XIRP2: variants seen among roughly 807,000 people sequenced by gnomAD.
XIRP2 encodes the protein xin actin binding repeat containing 2.
XIRP2 carries 236 observed loss-of-function variants against 277.0 expected under a neutral mutation model. That is an observed-to-expected ratio of 0.85 (90% CI 0.77 to 0.95). XIRP2 has a LOEUF of 0.95. Ranked by LOEUF, XIRP2 falls within the 40% of genes least tolerant of loss-of-function variation. XIRP2 has a pLI of 0.00. For missense variants in XIRP2, 4,640 were observed against 4,157.5 expected (o/e 1.12, Z -3.19); for synonymous variants, 1,490 against 1,416.5 (o/e 1.05, Z -1.17).
chr2:167,098,501 T>C (rs1690385993), intron 2 of XIRP2, among the ~76,000 whole-genome samples: 1 of 152,180 alleles, frequency 6.6e-6, no homozygotes, highest in Non-Finnish European at 1.5e-5. Flanking sequence ...CATGCTCCTT[T>C]AGAGGAGTTT....
chr2:166,979,812 T>C (rs1317641031), intron 2 of XIRP2, among the ~76,000 whole-genome samples: 2 of 152,268 alleles, frequency 1.3e-5, no homozygotes, highest in South Asian at 2.1e-4. Flanking sequence ...TTCACAACTA[T>C]GTTTTCAAAG....
At position 167,150,062 on chromosome 2, in the gene XIRP2, T is replaced by C. The variant is rs142144500; in HGVS notation, c.562+14000T>C. On this transcript the variant is annotated intron_variant, in intron 3 of 10. Coordinates refer to ENST00000409195, the MANE Select transcript of XIRP2 (RefSeq NM_152381.6). ...AGCTCAATCTCAGCATTGTACAATA[T>C]ACTCATGTAACAAAACTGCACCGGT... Among the ~76,000 whole-genome samples the C allele has an allele frequency of 6.6e-4, 101 of 152,094 alleles. 2 individuals carry two copies. The East Asian group carries it at 0.017, about 26-fold the overall frequency.
chr2:167,130,709 C>T (rs996038384), intron 2 of XIRP2, among the ~76,000 whole-genome samples: 2 of 151,988 alleles, frequency 1.3e-5, no homozygotes, highest in South Asian at 2.1e-4. Context: ...TCATTTCAAT[C>T]GCTCTCTTAG....
intron 2 of XIRP2, among the ~76,000 whole-genome samples, chr2:166,911,866 T>TG (rs546227043): frequency 9.8e-5 from 15 of 152,342 alleles, no homozygotes; most frequent in African/African-American, 3.6e-4. Flanking sequence ...CCTTCACTTA[T>TG]GAAGCTTAGT....
At chr2:167,011,823 T>G (rs905241179) in intron 2 of XIRP2, among the ~76,000 whole-genome samples, 1 of 152,074 alleles carries the variant, frequency 6.6e-6, no homozygotes, top group Non-Finnish European at 1.5e-5. Flanking sequence ...GTCGAGGAAT[T>G]TATCCATTTC....
intron 3 of XIRP2, among the ~76,000 whole-genome samples, chr2:167,152,708 A>G (rs1692051744): frequency 6.6e-6 from 1 of 152,228 alleles, no homozygotes; most frequent in Non-Finnish European, 1.5e-5. Flanking sequence ...AAACAGTATA[A>G]CAAAAACCTC....
chr2:166,937,805 A>C (rs569381354), intron 2 of XIRP2, among the ~76,000 whole-genome samples: 11 of 152,210 alleles, frequency 7.2e-5, no homozygotes, highest in Admixed American at 3.3e-4. Flanking sequence ...GATTCAACTT[A>C]TTCCTGGTTT....
At chr2:167,033,755 A>G (rs1477770403) in intron 2 of XIRP2, among the ~76,000 whole-genome samples, 1 of 152,194 alleles carries the variant, frequency 6.6e-6, no homozygotes. Context: ...AGGAAAAAAT[A>G]TCTTATAATA....
rs546204005 is a variant in XIRP2 at position 166,960,056 on chromosome 2, G to A, written c.408+56166G>A. On this transcript the variant is annotated intron_variant, in intron 2 of 10. Coordinates refer to ENST00000409195, the MANE Select transcript of XIRP2 (RefSeq NM_152381.6). ...GGCTGTAATTTAAGAATATTTCACC[G>A]TAGCTAAACTTACTATTTTAAAAAT... Among the ~76,000 whole-genome samples, 5 of 151,770 alleles carry A rather than the reference G, an allele frequency of 3.3e-5. No homozygotes were observed. In the South Asian group the frequency reaches 8.3e-4, roughly 25 times the overall value.
At chr2:167,156,589 C>A (rs942444034) in intron 3 of XIRP2, among the ~76,000 whole-genome samples, 2 of 152,050 alleles carry the variant, frequency 1.3e-5, no homozygotes, top group South Asian at 2.1e-4. Flanking sequence ...ACACTCAGTG[C>A]CTAGTAGATA....
intron 2 of XIRP2, among the ~76,000 whole-genome samples, chr2:167,107,236 C>T (rs1690640332): frequency 6.6e-6 from 1 of 151,676 alleles, no homozygotes. Context: ...GAAAGTTATT[C>T]CAATATTGGA....
chr2:167,009,912 C>G (rs570708133), intron 2 of XIRP2, among the ~76,000 whole-genome samples: 62 of 151,546 alleles, frequency 4.1e-4, no homozygotes, highest in East Asian at 7.8e-4. Context: ...TGATGGGGTT[C>G]TTTGTTTTTT....
intron 3 of XIRP2, among the ~76,000 whole-genome samples, chr2:167,173,439 T>C (rs543810178): frequency 2.0e-5 from 3 of 152,334 alleles, no homozygotes; most frequent in South Asian, 2.1e-4. Flanking sequence ...TTTTCATCCA[T>C]GTTGTTGTAA....
intron 2 of XIRP2, among the ~76,000 whole-genome samples, chr2:167,000,325 T>G (rs1687330247): frequency 6.6e-6 from 1 of 152,168 alleles, no homozygotes; most frequent in Admixed American, 6.5e-5. Flanking sequence ...AAGATACTTT[T>G]AATTTCTTTT....
intron 2 of XIRP2, among the ~76,000 whole-genome samples, chr2:166,929,110 T>C (rs1003940358): frequency 1.3e-5 from 2 of 151,626 alleles, no homozygotes; most frequent in African/African-American, 2.4e-5. Flanking sequence ...AAATACAAAT[T>C]TGGGGCTTCC....
intron 2 of XIRP2, among the ~76,000 whole-genome samples, chr2:167,046,948 A>G (rs1043753423): frequency 6.6e-6 from 1 of 151,994 alleles, no homozygotes; most frequent in Non-Finnish European, 1.5e-5. Flanking sequence ...GAAAAAAAAA[A>G]GAAATTTCAT....
intron 2 of XIRP2, among the ~76,000 whole-genome samples, chr2:166,979,062 A>G (rs1249120642): frequency 6.6e-6 from 1 of 152,226 alleles, no homozygotes; most frequent in African/African-American, 2.4e-5. Context: ...TGTTGATATC[A>G]TAGGAATTTC....
At chr2:167,202,309 T>G (rs1375782117) in intron 3 of XIRP2, among the ~76,000 whole-genome samples, 1 of 152,212 alleles carries the variant, frequency 6.6e-6, no homozygotes, top group Non-Finnish European at 1.5e-5. Context: ...TTTTCGTATA[T>G]GCCCAAACTA....
At chr2:167,086,803 T>C (rs998088183) in intron 2 of XIRP2, among the ~76,000 whole-genome samples, 54 of 149,402 alleles carry the variant, frequency 3.6e-4, no homozygotes, top group African/African-American at 1.2e-3. Flanking sequence ...TCAGCTCCTT[T>C]AAGCACTTCT....
Sources: gnomAD v4.1 joint callset for allele counts (sites outside exome capture counted in the v4.1 genomes callset) on GRCh38, gnomAD v4.1.1 for gene constraint, MANE v1.5 for transcripts, NCBI Gene and HGNC (gene_info 2026-07-23, HGNC 2026-07-21) for gene names.